Variants in DNAJB14 observed in about 807,000 individuals in gnomAD.
The protein encoded by DNAJB14 is DnaJ heat shock protein family (Hsp40) member B14.
In DNAJB14, 22 loss-of-function variants were observed where a neutral mutation model predicts 48.4. The observed-to-expected ratio is 0.45, with a 90% CI of 0.32 to 0.65. The LOEUF (loss-of-function observed/expected upper bound fraction) is 0.65, where lower values mean the gene tolerates loss of function less well. Among genes scored for constraint, DNAJB14 ranks in the 30% least tolerant of loss-of-function variants. The pLI, the probability that DNAJB14 is intolerant of heterozygous loss-of-function variation, is 0.03. For synonymous variants in DNAJB14, 142 were observed against 158.7 expected (o/e 0.89, Z 0.79); for missense variants, 319 against 458.8 (o/e 0.70, Z 2.78).
chr4:99,943,952 A>G (rs1295302706), intron 1 of DNAJB14, among the ~76,000 whole-genome samples: 1 of 152,230 alleles, frequency 6.6e-6, no homozygotes, highest in Non-Finnish European at 1.5e-5. Flanking sequence ...TGAAAAGGCA[A>G]CATATAAATA....
intron 3 of DNAJB14, among the ~76,000 whole-genome samples, chr4:99,914,187 G>T (rs555570979): frequency 6.6e-6 from 1 of 152,204 alleles, no homozygotes; most frequent in East Asian, 1.9e-4. Flanking sequence ...CTTCCCACTA[G>T]GCTACACCTC....
At chr4:99,940,301 A>G (rs1368706407) in intron 1 of DNAJB14, among the ~76,000 whole-genome samples, 2 of 152,190 alleles carry the variant, frequency 1.3e-5, no homozygotes, top group Admixed American at 6.5e-5. Flanking sequence ...GCTCATTAAA[A>G]AACATAACAG....
At chr4:99,926,740 CAA>C (rs988061940) in intron 2 of DNAJB14, 2 of 142,408 alleles carry the variant, frequency 1.4e-5, no homozygotes, top group Non-Finnish European at 1.5e-5. Flanking sequence ...CACAGACAAA[CAA>C]AAAAAAAAGG....
Position 99,896,572 on chromosome 4 carries a change from GGAAA to G in DNAJB14, c.*4452_*4455del, listed in dbSNP as rs746229475. The G allele has an allele frequency of 2.0e-5, 3 of 152,034 alleles. No homozygotes were observed. Among genetic ancestry groups the G allele is most frequent in the Non-Finnish European group, 2.9e-5 (2 of 67,974 alleles). The allele number at this position is 152,034 out of a possible 1,614,324, so 9.4% of individuals were successfully genotyped here. A position where few individuals can be genotyped will look rare whatever the true frequency, so the allele number is the denominator to read the frequency against. On this transcript the variant is annotated 3_prime_UTR_variant, in exon 8 of 8. Transcript: ENST00000442697. ...GCTTTTAAAAACACATAAAGTAAATGGAAAGAAAGTCTTATGTAGCAATCCAAAA... is the reference window on the plus strand; with the variant it reads ...GCTTTTAAAAACACATAAAGTAAATGGAAAGTCTTATGTAGCAATCCAAAA...
chr4:99,908,923 T>G (rs1725561369), intron 3 of DNAJB14, 27 bp from the exon 4 acceptor site: 1 of 1,469,824 alleles, frequency 6.8e-7, no homozygotes, highest in Non-Finnish European at 9.0e-7. Flanking sequence ...TAAAAGTTGG[T>G]AAGCAAAGTT....
intron 3 of DNAJB14, 185 bp downstream of exon 3, chr4:99,922,855 C>A (rs1305951767): frequency 1.0e-5 from 6 of 578,984 alleles, no homozygotes; most frequent in Non-Finnish European, 1.4e-5. Flanking sequence ...TTTTGTGAAG[C>A]CAAACTGCAT....
At chr4:99,938,632 A>G (rs1348167653) in intron 1 of DNAJB14, among the ~76,000 whole-genome samples, 1 of 152,182 alleles carries the variant, frequency 6.6e-6, no homozygotes, top group Admixed American at 6.5e-5. Context: ...CTGATAAAGC[A>G]AACGTAAAAA....
intron 3 of DNAJB14, among the ~76,000 whole-genome samples, chr4:99,915,269 C>G (rs1725813474): frequency 6.6e-6 from 1 of 152,138 alleles, no homozygotes; most frequent in African/African-American, 2.4e-5. Context: ...TCCCGAGTAG[C>G]TGGGACCACA....
Position 99,905,868 on chromosome 4 carries a change from T to C in DNAJB14, c.733-162A>G. 4 of 786,982 alleles carry C rather than the reference T, an allele frequency of 5.1e-6. No homozygotes were observed. In the South Asian group the frequency reaches 1.7e-4, roughly 34 times the overall value. The allele number at this position is 786,982 out of a possible 1,614,324, so 48.7% of individuals were successfully genotyped here. A position where few individuals can be genotyped will look rare whatever the true frequency, so the allele number is the denominator to read the frequency against. ...CCAATAGGATGATTCTTAAATATAA[T>C]TATCCAGGCATATCACCAGGAGATT... On this transcript the variant is annotated intron_variant, in intron 5 of 7. Coordinates refer to ENST00000442697, the MANE Select transcript of DNAJB14 (RefSeq NM_001031723.4).
chr4:99,896,404 T>C lies in DNAJB14; in HGVS notation c.*4624A>G, dbSNP rs1021578685. On this transcript the variant is annotated 3_prime_UTR_variant, in exon 8 of 8. Coordinates refer to ENST00000442697, the MANE Select transcript of DNAJB14 (RefSeq NM_001031723.4). ...TGTAAGTCTGATATAACATTAAATA[T>C]TTTACAAATCAGACATTTCATTTTG... 1 of 152,230 alleles carries C rather than the reference T, an allele frequency of 6.6e-6. No individual in the cohort carries two copies. Among genetic ancestry groups the C allele is most frequent in the African/African-American group, 2.4e-5 (1 of 41,470 alleles). The allele number at this position is 152,230 out of a possible 1,614,324, so 9.4% of individuals were successfully genotyped here.
intron 1 of DNAJB14, among the ~76,000 whole-genome samples, chr4:99,944,910 G>A (rs538969664): frequency 5.3e-5 from 8 of 152,170 alleles, no homozygotes; most frequent in African/African-American, 1.9e-4. Context: ...AATTCTTCAC[G>A]TTACAACATA....
chr4:99,936,019 G>A (rs1726660765), intron 1 of DNAJB14, among the ~76,000 whole-genome samples: 1 of 152,158 alleles, frequency 6.6e-6, no homozygotes, highest in Admixed American at 6.5e-5. Context: ...AGTAAGCCAT[G>A]ATTGTGCCAC....
chr4:99,942,445 TAC>T (rs770434213), intron 1 of DNAJB14: 1 of 152,082 alleles, frequency 6.6e-6, no homozygotes, highest in African/African-American at 2.4e-5. Flanking sequence ...TCAATAAATG[TAC>T]AGTTTATTCA....
intron 2 of DNAJB14, chr4:99,927,281 T>A (rs548302001): frequency 3.9e-5 from 6 of 152,326 alleles, no homozygotes; most frequent in African/African-American, 1.4e-4. Flanking sequence ...AGGTCATTTT[T>A]CGATTCTCTT....
chr4:99,916,882 C>T (rs1232261785), intron 3 of DNAJB14, among the ~76,000 whole-genome samples: 1 of 152,160 alleles, frequency 6.6e-6, no homozygotes, highest in African/African-American at 2.4e-5. Flanking sequence ...AGCCTGTAAT[C>T]CCAGCACTTT....
Position 99,897,748 on chromosome 4 carries a change from A to C in DNAJB14, c.*3280T>G, listed in dbSNP as rs1175538397. 1 of 152,046 alleles carries C rather than the reference A, an allele frequency of 6.6e-6. No homozygotes were observed. Among genetic ancestry groups the C allele is most frequent in the Non-Finnish European group, 1.5e-5 (1 of 67,884 alleles). 9.4% of individuals were successfully genotyped at this position (152,046 alleles called of 1,614,324 possible). ...TAGTTTTTCTGTTCAGATAAGAAAAAAGATTATGAATTCCCTTTCAGTTTG... is the reference window on the plus strand; with the variant it reads ...TAGTTTTTCTGTTCAGATAAGAAAACAGATTATGAATTCCCTTTCAGTTTG... On this transcript the variant is annotated 3_prime_UTR_variant, in exon 8 of 8. Coordinates refer to ENST00000442697, the MANE Select transcript of DNAJB14 (RefSeq NM_001031723.4).
chr4:99,931,814 A>G (rs1416959595), intron 1 of DNAJB14, among the ~76,000 whole-genome samples: 1 of 151,998 alleles, frequency 6.6e-6, no homozygotes, highest in African/African-American at 2.4e-5. Context: ...GTAACTAAAA[A>G]AATCATAAAT....
rs1727089550 is a variant in DNAJB14, at chr4:99,946,588, C to T, written c.-17G>A. 1 of 1,612,098 alleles carries T rather than the reference C, an allele frequency of 6.2e-7. No individual in the cohort carries two copies. Among genetic ancestry groups the T allele is most frequent in the Non-Finnish European group, 8.5e-7 (1 of 1,178,660 alleles). Reference sequence around the variant, plus strand: ...CCCCTCCATAGCTTGCTCCTTCTTCCGTTTCCTCCGGCAGCGCAGCTAAGA... The same window carrying T: ...CCCCTCCATAGCTTGCTCCTTCTTCTGTTTCCTCCGGCAGCGCAGCTAAGA... On this transcript the variant is annotated 5_prime_UTR_variant, in exon 1 of 8. Transcript: ENST00000442697.
At chr4:99,937,838 T>C (rs2110222326) in intron 1 of DNAJB14, among the ~76,000 whole-genome samples, 1 of 150,996 alleles carries the variant, frequency 6.6e-6, no homozygotes, top group South Asian at 2.1e-4. Context: ...CCCAGCACTT[T>C]GGGAGGCCAA....
Sources: gnomAD v4.1 joint callset for allele counts (sites outside exome capture counted in the v4.1 genomes callset) on GRCh38, gnomAD v4.1.1 for gene constraint, MANE v1.5 for transcripts, NCBI Gene and HGNC (gene_info 2026-07-23, HGNC 2026-07-21) for gene names.